Variants in ENTHD1 observed in about 807,000 individuals in gnomAD.
ENTHD1 encodes the protein ENTH domain containing 1.
Under a neutral mutation model 39.1 loss-of-function variants are expected in ENTHD1, and 23 were observed. The ratio of observed to expected loss-of-function variants is 0.59; its 90% confidence interval spans 0.42 to 0.83. The LOEUF is 0.83. ENTHD1 is among the 40% of genes least tolerant of loss of function. ENTHD1 has a pLI of 0.00. For synonymous variants in ENTHD1, 230 were observed against 258.2 expected (o/e 0.89, Z 1.05); for missense variants, 624 against 705.4 (o/e 0.88, Z 1.31).
At chr22:39,837,871 G>A (rs1275344327) in intron 3 of ENTHD1, among the ~76,000 whole-genome samples, 2 of 152,190 alleles carry the variant, frequency 1.3e-5, no homozygotes, top group Non-Finnish European at 2.9e-5. Context: ...TCAGGAGTGT[G>A]AAGACAATCA....
At chr22:39,854,015 G>A (rs1033266817) in intron 3 of ENTHD1, among the ~76,000 whole-genome samples, 12 of 152,202 alleles carry the variant, frequency 7.9e-5, no homozygotes, top group Admixed American at 7.9e-4. Context: ...AGGGCACAAG[G>A]TGGGAACCAT....
At chr22:39,844,475 G>C (rs2065971329) in intron 3 of ENTHD1, among the ~76,000 whole-genome samples, 1 of 152,114 alleles carries the variant, frequency 6.6e-6, no homozygotes, top group African/African-American at 2.4e-5. Flanking sequence ...CACTACAAAA[G>C]CAAGTTTTAA....
At chr22:39,854,286 A>G (rs551411711) in intron 3 of ENTHD1, among the ~76,000 whole-genome samples, 2 of 152,324 alleles carry the variant, frequency 1.3e-5, no homozygotes, top group African/African-American at 4.8e-5. Context: ...TCAAGGACCT[A>G]CTGTATAATT....
chr22:39,805,166 T>C (rs1015789291), intron 5 of ENTHD1, among the ~76,000 whole-genome samples: 1 of 152,128 alleles, frequency 6.6e-6, no homozygotes, highest in African/African-American at 2.4e-5. Context: ...TAGAGAAAAA[T>C]TCCCCCTCAT....
intron 6 of ENTHD1, among the ~76,000 whole-genome samples, chr22:39,744,696 T>TG (rs2065089786): frequency 1.3e-5 from 2 of 152,158 alleles, no homozygotes. Flanking sequence ...ACTTTTTAAT[T>TG]TTTTTTCCTG....
intron 5 of ENTHD1, among the ~76,000 whole-genome samples, chr22:39,796,004 T>C (rs2065546205): frequency 6.6e-6 from 1 of 152,084 alleles, no homozygotes; most frequent in African/African-American, 2.4e-5. Context: ...TTTGTTTATC[T>C]TTTCAAACAA....
intron 6 of ENTHD1, among the ~76,000 whole-genome samples, chr22:39,756,718 G>A (rs1367274890): frequency 6.6e-6 from 1 of 152,086 alleles, no homozygotes; most frequent in Non-Finnish European, 1.5e-5. Context: ...AGCAATGACT[G>A]GAGGAAAATA....
In ENTHD1 at chr22:39,776,130, T is replaced by G. The variant is rs77425754; in HGVS notation, c.833-10521A>C. ...GTAGTCTCGAACTCCTGGGTTCAAG[T>G]GATCTACCTGCCTCAGCCTTCAAAA... On this transcript the variant is annotated intron_variant, in intron 5 of 6. Transcript: ENST00000325157. Among the ~76,000 whole-genome samples the G allele has an allele frequency of 7.4e-3, 1,130 of 152,248 alleles. 10 individuals carry two copies. The highest frequency in any genetic ancestry group is 0.026 in the African/African-American group (1,069 of 41,554).
chr22:39,767,040 T>C (rs772239646), intron 5 of ENTHD1, among the ~76,000 whole-genome samples: 4 of 152,158 alleles, frequency 2.6e-5, no homozygotes, highest in Non-Finnish European at 4.4e-5. Flanking sequence ...ATCTCATTTA[T>C]CTTGTCCCCT....
chr22:39,868,275 C>A (rs1251581698), intron 2 of ENTHD1, among the ~76,000 whole-genome samples: 1 of 150,524 alleles, frequency 6.6e-6, no homozygotes, highest in Non-Finnish European at 1.5e-5. Context: ...GTGCCCCAAG[C>A]CAACTTTATA....
chr22:39,863,628 C>T (rs1311657436), intron 2 of ENTHD1, among the ~76,000 whole-genome samples: 5 of 152,208 alleles, frequency 3.3e-5, no homozygotes, highest in Non-Finnish European at 5.9e-5. Flanking sequence ...ACTTACCTTT[C>T]TCCATCTTGG....
intron 2 of ENTHD1, among the ~76,000 whole-genome samples, chr22:39,871,167 C>T (rs1196068635): frequency 7.2e-6 from 1 of 138,206 alleles, no homozygotes; most frequent in East Asian, 2.3e-4. Context: ...GAGAGCCCAT[C>T]TTCTAAAATA....
chr22:39,833,506 T>C (rs1487081463), intron 4 of ENTHD1, among the ~76,000 whole-genome samples: 1 of 151,932 alleles, frequency 6.6e-6, no homozygotes, highest in African/African-American at 2.4e-5. Context: ...GAAGACATGA[T>C]ATAAAGAAGA....
At chr22:39,891,278 T>C (rs935165459) in intron 1 of ENTHD1, among the ~76,000 whole-genome samples, 3 of 152,206 alleles carry the variant, frequency 2.0e-5, no homozygotes, top group African/African-American at 7.2e-5. Context: ...GCTCAGTGCC[T>C]TTCTTCACCA....
chr22:39,857,358 G>A (rs1022515713), intron 3 of ENTHD1, among the ~76,000 whole-genome samples: 5 of 146,912 alleles, frequency 3.4e-5, no homozygotes, highest in Admixed American at 7.1e-5. Context: ...CAGGAGAATC[G>A]CCTGAACCCT....
intron 6 of ENTHD1, among the ~76,000 whole-genome samples, chr22:39,751,939 T>C (rs1259456528): frequency 6.6e-6 from 1 of 152,168 alleles, no homozygotes; most frequent in Non-Finnish European, 1.5e-5. Context: ...GTATAATACA[T>C]GAGCCTTAAA....
At chr22:39,751,679 A>G (rs2065148407) in intron 6 of ENTHD1, among the ~76,000 whole-genome samples, 1 of 152,202 alleles carries the variant, frequency 6.6e-6, no homozygotes. Flanking sequence ...GGAGATTTTC[A>G]AAGAGGATAA....
intron 6 of ENTHD1, among the ~76,000 whole-genome samples, chr22:39,748,288 T>A (rs1485010721): frequency 1.3e-5 from 2 of 150,510 alleles, no homozygotes; most frequent in Non-Finnish European, 3.0e-5. Context: ...TCAAAACATA[T>A]CTGTTAAAGT....
In ENTHD1 at chr22:39,887,735, C is replaced by T. The variant is rs1486641381; in HGVS notation, c.14G>A (p.Arg5Lys). 2 of 1,569,628 alleles carry T rather than the reference C, an allele frequency of 1.3e-6. No homozygotes were observed. The highest frequency in any genetic ancestry group is 1.2e-5 in the South Asian group (1 of 82,396). Residue 5 changes from arginine to lysine, a missense_variant, in exon 2 of 7, where the codon AGA becomes AAA. Transcript: ENST00000325157. MAFR[R>K]QVKNFVKNYS... The stretch of plus-strand genomic sequence containing the variant: ...ATTTTTCACAAAGTTTTTCACTTGT[C>T]TCCTGAACGCCATAAGTAATACAAG...
Sources: allele counts gnomAD v4.1 joint callset (sites outside exome capture counted in the v4.1 genomes callset), GRCh38; gene constraint gnomAD v4.1.1; transcripts MANE v1.5; gene names NCBI Gene and HGNC (gene_info 2026-07-23, HGNC 2026-07-21).